LRFN5: variants seen among roughly 807,000 people sequenced by gnomAD.
LRFN5 encodes leucine-rich repeat and fibronectin type-III domain-containing protein 5.
Under a neutral mutation model 45.6 loss-of-function variants are expected in LRFN5, and 24 were observed. The observed-to-expected ratio is 0.53, with a 90% CI of 0.38 to 0.74. LRFN5 has a LOEUF of 0.74. Ranked by LOEUF, LRFN5 falls within the 30% of genes least tolerant of loss-of-function variation. The pLI is 0.00. For missense variants in LRFN5, 776 were observed against 861.5 expected (o/e 0.90, Z 1.24); for synonymous variants, 340 against 313.8 (o/e 1.08, Z -0.88).
intron 2 of LRFN5, among the ~76,000 whole-genome samples, chr14:41,781,558 G>GAGAAAGAAAGAA (rs55859357): frequency 0.013 from 1,406 of 106,944 alleles, 14 homozygotes; most frequent in Non-Finnish European, 0.017. Flanking sequence ...AGAAAAGAAA[G>GAGAAAGAAAGAA]AGAAAGAAAG....
chr14:41,805,479 A>G (rs961880408), intron 2 of LRFN5, among the ~76,000 whole-genome samples: 5 of 151,316 alleles, frequency 3.3e-5, no homozygotes, highest in African/African-American at 1.2e-4. Flanking sequence ...ATATGTATAC[A>G]TGTGCCATGT....
chr14:41,893,706 G>T (rs569923318), intron 4 of LRFN5: 2 of 985,286 alleles, frequency 2.0e-6, no homozygotes, highest in Non-Finnish European at 2.4e-6. Flanking sequence ...CCATTCAATA[G>T]TATGTAAGAT....
chr14:41,723,718 A>T (rs1445682145), intron 1 of LRFN5, among the ~76,000 whole-genome samples: 1 of 152,020 alleles, frequency 6.6e-6, no homozygotes, highest in Non-Finnish European at 1.5e-5. Flanking sequence ...CAGGCCTGTG[A>T]CCATGGAGAG....
intron 1 of LRFN5, among the ~76,000 whole-genome samples, chr14:41,675,485 C>A (rs536346112): frequency 6.6e-6 from 1 of 152,246 alleles, no homozygotes; most frequent in African/African-American, 2.4e-5. Flanking sequence ...CGCCTGCAAT[C>A]GCAGGCACTC....
At chr14:41,827,718 A>C (rs1888345881) in intron 2 of LRFN5, among the ~76,000 whole-genome samples, 1 of 152,060 alleles carries the variant, frequency 6.6e-6, no homozygotes, top group Non-Finnish European at 1.5e-5. Context: ...GAATAAGATT[A>C]CTATATCTTT....
intron 1 of LRFN5, among the ~76,000 whole-genome samples, chr14:41,725,940 C>G (rs1405021434): frequency 6.6e-6 from 1 of 152,156 alleles, no homozygotes; most frequent in East Asian, 1.9e-4. Context: ...GTGTTTACCT[C>G]TTATCTCCTA....
At chr14:41,863,285 CTT>C (rs1889731508) in intron 2 of LRFN5, among the ~76,000 whole-genome samples, 2 of 152,144 alleles carry the variant, frequency 1.3e-5, no homozygotes, top group Non-Finnish European at 2.9e-5. Context: ...AATTTCTCCT[CTT>C]GTCTTTATTA....
chr14:41,678,140 G>A (rs1881719747), intron 1 of LRFN5, among the ~76,000 whole-genome samples: 1 of 151,980 alleles, frequency 6.6e-6, no homozygotes. Context: ...AAGAGCTAGA[G>A]TGGATATACT....
chr14:41,666,947 A>T (rs1051975633), intron 1 of LRFN5, among the ~76,000 whole-genome samples: 1 of 152,188 alleles, frequency 6.6e-6, no homozygotes, highest in African/African-American at 2.4e-5. Flanking sequence ...GAATAAGAAC[A>T]TAATGATTAT....
intron 1 of LRFN5, among the ~76,000 whole-genome samples, chr14:41,681,158 C>T (rs949090758): frequency 6.6e-6 from 1 of 151,926 alleles, no homozygotes; most frequent in Admixed American, 6.6e-5. Context: ...AGTTATTGGC[C>T]TTAGAGAGGA....
At chr14:41,831,978 A>G (rs1206778720) in intron 2 of LRFN5, among the ~76,000 whole-genome samples, 3 of 152,182 alleles carry the variant, frequency 2.0e-5, no homozygotes, top group East Asian at 3.9e-4. Context: ...AAAAATTTTT[A>G]ACTTCTTTCT....
intron 1 of LRFN5, among the ~76,000 whole-genome samples, chr14:41,747,046 TAAATG>T (rs1368030446): frequency 1.3e-5 from 2 of 151,850 alleles, no homozygotes; most frequent in African/African-American, 4.8e-5. Context: ...ATTTCTGAAA[TAAATG>T]AAAGAAGACA....
chr14:41,754,942 C>T (rs1885306807), intron 1 of LRFN5, among the ~76,000 whole-genome samples: 2 of 151,998 alleles, frequency 1.3e-5, no homozygotes, highest in Admixed American at 1.3e-4. Flanking sequence ...TTGAATGTGT[C>T]CCAGAGATTC....
At chr14:41,781,564 G>GAAGGAAAGAA (rs1317616981) in intron 2 of LRFN5, among the ~76,000 whole-genome samples, 3 of 34,220 alleles carry the variant, frequency 8.8e-5, no homozygotes, top group African/African-American at 4.4e-4. Context: ...GAAAGAGAAA[G>GAAGGAAAGAA]AAAGAAAGAA....
intron 1 of LRFN5, among the ~76,000 whole-genome samples, chr14:41,714,270 C>G (rs1336192147): frequency 1.3e-5 from 2 of 152,120 alleles, no homozygotes; most frequent in African/African-American, 2.4e-5. Context: ...ACTTCTTTCT[C>G]TTTCTCTTGG....
intron 2 of LRFN5, among the ~76,000 whole-genome samples, chr14:41,882,422 T>C (rs572658382): frequency 9.2e-5 from 14 of 152,248 alleles, no homozygotes; most frequent in Non-Finnish European, 1.9e-4. Flanking sequence ...ATAACTGAAA[T>C]CCCTGAGGGA....
intron 2 of LRFN5, among the ~76,000 whole-genome samples, chr14:41,794,790 G>C (rs1009850533): frequency 6.6e-6 from 1 of 152,026 alleles, no homozygotes; most frequent in Non-Finnish European, 1.5e-5. Flanking sequence ...AATCAGGTAA[G>C]CATTGCAGCA....
intron 2 of LRFN5, among the ~76,000 whole-genome samples, chr14:41,874,828 C>G (rs112291809): frequency 0.011 from 1,663 of 152,282 alleles, 30 homozygotes; most frequent in African/African-American, 0.038. Flanking sequence ...AGGGAACTTA[C>G]AATCATTGTG....
intron 2 of LRFN5, among the ~76,000 whole-genome samples, chr14:41,847,111 C>A (rs1300199542): frequency 6.6e-6 from 1 of 152,034 alleles, no homozygotes; most frequent in Non-Finnish European, 1.5e-5. Flanking sequence ...AAAAACATAT[C>A]AAGACAGGAC....
Sources: gnomAD v4.1 joint callset for allele counts (sites outside exome capture counted in the v4.1 genomes callset) on GRCh38, gnomAD v4.1.1 for gene constraint, MANE v1.5 for transcripts, NCBI Gene and HGNC (gene_info 2026-07-23, HGNC 2026-07-21) for gene names.